BCL2: variants seen among roughly 807,000 people sequenced by gnomAD.
The protein encoded by BCL2 is BCL2 apoptosis regulator, also known as apoptosis regulator Bcl-2.
Under a neutral mutation model 14.2 loss-of-function variants are expected in BCL2, and 1 was observed. That is an observed-to-expected ratio of 0.07 (90% CI 0.02 to 0.33). The LOEUF is 0.33. BCL2 is among the 10% of genes least tolerant of loss of function. The pLI, the probability that BCL2 is intolerant of heterozygous loss-of-function variation, is 0.99. For synonymous variants in BCL2, 151 were observed against 137.2 expected (o/e 1.10, Z -0.70); for missense variants, 247 against 305.9 (o/e 0.81, Z 1.44).
At chr18:63,257,581 C>T (rs752152356) in intron 2 of BCL2, among the ~76,000 whole-genome samples, 12 of 152,222 alleles carry the variant, frequency 7.9e-5, no homozygotes, top group Non-Finnish European at 1.3e-4. Context: ...ATCCATTCTT[C>T]GTCTGAGGAC....
chr18:63,142,951 C>T lies in BCL2; in HGVS notation c.586-14192G>A, dbSNP rs573243989. Among the ~76,000 whole-genome samples the T allele has an allele frequency of 2.2e-4, 33 of 152,320 alleles. No homozygotes were observed. In the South Asian group the frequency reaches 6.6e-3, roughly 31 times the overall value. ...TCCTGTGCCCAGGGAAGACAGCAGA[C>T]CTCTCTATCACAAGGAAAATGCAGT... On this transcript the variant is annotated intron_variant, in intron 2 of 2. Transcript: ENST00000333681.
At chr18:63,301,972 T>A (rs1257926481) in intron 2 of BCL2, among the ~76,000 whole-genome samples, 1 of 152,200 alleles carries the variant, frequency 6.6e-6, no homozygotes, top group African/African-American at 2.4e-5. Context: ...GGGTTATGTC[T>A]TATAAATGAA....
At chr18:63,179,626 A>G (rs139834382) in intron 2 of BCL2, among the ~76,000 whole-genome samples, 178 of 152,006 alleles carry the variant, frequency 1.2e-3, no homozygotes, top group African/African-American at 4.2e-3. Context: ...AAGGTTCCCA[A>G]CTCCACCTAG....
intron 2 of BCL2, among the ~76,000 whole-genome samples, chr18:63,204,791 C>T (rs1320776315): frequency 2.0e-5 from 3 of 152,264 alleles, no homozygotes; most frequent in Middle Eastern, 3.4e-3. Flanking sequence ...TGACATGGTA[C>T]ATCTCAAGAT....
intron 2 of BCL2, among the ~76,000 whole-genome samples, chr18:63,179,734 T>C (rs571075327): frequency 4.7e-4 from 72 of 152,296 alleles, no homozygotes; most frequent in Non-Finnish European, 7.9e-4. Context: ...AGTCAAGAGA[T>C]TCCGATCAAG....
At chr18:63,157,136 C>G (rs1914803498) in intron 2 of BCL2, among the ~76,000 whole-genome samples, 2 of 152,216 alleles carry the variant, frequency 1.3e-5, no homozygotes, top group African/African-American at 4.8e-5. Flanking sequence ...TGGGGTTAGG[C>G]TTCTGGGCTG....
At chr18:63,225,732 G>A (rs773550963) in intron 2 of BCL2, among the ~76,000 whole-genome samples, 8 of 152,208 alleles carry the variant, frequency 5.3e-5, no homozygotes, top group Non-Finnish European at 1.2e-4. Context: ...GGTGGAGCAC[G>A]CAGGTGAGTA....
intron 2 of BCL2, among the ~76,000 whole-genome samples, chr18:63,134,512 C>T (rs1050747110): frequency 3.9e-5 from 6 of 152,138 alleles, no homozygotes; most frequent in Non-Finnish European, 7.4e-5. Flanking sequence ...GTTCAGGCCC[C>T]GAGCTCAGTG....
At chr18:63,239,254 A>G (rs967192828) in intron 2 of BCL2, among the ~76,000 whole-genome samples, 2 of 152,224 alleles carry the variant, frequency 1.3e-5, no homozygotes, top group Non-Finnish European at 2.9e-5. Context: ...AATTTAGCCA[A>G]TAACTTTGAC....
chr18:63,180,487 G>A (rs533503302), intron 2 of BCL2, among the ~76,000 whole-genome samples: 62 of 152,372 alleles, frequency 4.1e-4, no homozygotes, highest in African/African-American at 1.3e-3. Context: ...GAGAGAGAAG[G>A]TGGAGGCAGA....
chr18:63,148,149 T>G (rs1482783589), intron 2 of BCL2, among the ~76,000 whole-genome samples: 1 of 152,204 alleles, frequency 6.6e-6, no homozygotes, highest in Non-Finnish European at 1.5e-5. Context: ...TTTGGATCCG[T>G]GACATCAACC....
chr18:63,148,559 T>G (rs1914570158), intron 2 of BCL2, among the ~76,000 whole-genome samples: 1 of 152,234 alleles, frequency 6.6e-6, no homozygotes, highest in Non-Finnish European at 1.5e-5. Flanking sequence ...AAAATGGTCT[T>G]TCGGTGCTGG....
chr18:63,198,411 T>A (rs536900149), intron 2 of BCL2, among the ~76,000 whole-genome samples: 2 of 57,526 alleles, frequency 3.5e-5, no homozygotes, highest in East Asian at 1.1e-3. Flanking sequence ...CAGACACACA[T>A]AGACACAGAG....
At chr18:63,220,706 G>A (rs1384763564) in intron 2 of BCL2, among the ~76,000 whole-genome samples, 3 of 151,968 alleles carry the variant, frequency 2.0e-5, no homozygotes, top group African/African-American at 7.3e-5. Flanking sequence ...CTAATGACAT[G>A]GTTCAAATGA....
intron 2 of BCL2, among the ~76,000 whole-genome samples, chr18:63,179,864 C>G (rs12457371): frequency 0.59 from 89,945 of 152,080 alleles, 28,546 homozygotes; most frequent in Non-Finnish European, 0.72. Flanking sequence ...GCATAGCACA[C>G]AGTAGCTCAA....
intron 2 of BCL2, among the ~76,000 whole-genome samples, chr18:63,255,681 C>G (rs954946222): frequency 3.3e-5 from 5 of 151,942 alleles, no homozygotes; most frequent in Non-Finnish European, 7.4e-5. Flanking sequence ...TTGAATTTCC[C>G]CTGTGCAAAA....
chr18:63,210,751 G>A (rs1045920342), intron 2 of BCL2, among the ~76,000 whole-genome samples: 6 of 152,010 alleles, frequency 3.9e-5, no homozygotes, highest in Admixed American at 3.9e-4. Context: ...GCCATTCATA[G>A]GTTTTTTAAA....
chr18:63,302,219 G>T, intron 2 of BCL2: 1 of 502,178 alleles, frequency 2.0e-6, no homozygotes, highest in Non-Finnish European at 2.6e-6. Flanking sequence ...TGTAATCCCA[G>T]CTACTCGGGA....
At chr18:63,307,852 G>T (rs1411172560) in intron 2 of BCL2, among the ~76,000 whole-genome samples, 1 of 152,228 alleles carries the variant, frequency 6.6e-6, no homozygotes, top group Non-Finnish European at 1.5e-5. Context: ...AGAGAGAAGA[G>T]AATTTGCTTG....
Sources: allele counts gnomAD v4.1 joint callset (sites outside exome capture counted in the v4.1 genomes callset), GRCh38; gene constraint gnomAD v4.1.1; transcripts MANE v1.5; gene names NCBI Gene and HGNC (gene_info 2026-07-23, HGNC 2026-07-21).